The following ZNF763 variants were observed in gnomAD, a reference collection of about 807,000 sequenced individuals.
The protein encoded by ZNF763 is zinc finger protein 763.
Under a neutral mutation model 38.0 loss-of-function variants are expected in ZNF763, and 33 were observed. That is an observed-to-expected ratio of 0.87 (90% confidence interval 0.66 to 1.16). The LOEUF (loss-of-function observed/expected upper bound fraction) is 1.16, where lower values mean the gene tolerates loss of function less well. Among genes scored for constraint, ZNF763 ranks in the 50% most tolerant of loss-of-function variants. The pLI, the probability that ZNF763 is intolerant of heterozygous loss-of-function variation, is 0.00. For missense variants in ZNF763, 423 were observed against 469.1 expected (o/e 0.90, Z 0.91); for synonymous variants, 155 against 160.1 (o/e 0.97, Z 0.24).
chr19:11,978,191 T>A lies in ZNF763; in HGVS notation c.267T>A (p.Asp89Glu), dbSNP rs190899538. The A allele has an allele frequency of 1.4e-5, 22 of 1,614,070 alleles. No individual in the cohort carries two copies. The highest frequency in any genetic ancestry group is 1.7e-6 in the Non-Finnish European group (2 of 1,179,948). Residue 89 changes from aspartate to glutamate, a missense_variant, in exon 4 of 4, where the codon GAT becomes GAA. Transcript: ENST00000358987. ...HCGETFTQVP[D>E]DRLNFQEKKA... ...GAGAAACTTTTACCCAGGTTCCAGATGACAGGCTGAACTTCCAGGAGAAGA... is the reference window on the plus strand; with the variant it reads ...GAGAAACTTTTACCCAGGTTCCAGAAGACAGGCTGAACTTCCAGGAGAAGA...
intron 1 of ZNF763, among the ~76,000 whole-genome samples, chr19:11,973,671 C>A (rs1167624141): frequency 4.0e-5 from 6 of 151,864 alleles, no homozygotes; most frequent in African/African-American, 1.5e-4. Context: ...TGCTTGAGGC[C>A]ATCAGTTAGA....
chr19:11,977,395 T>C lies in ZNF763; in HGVS notation c.155T>C (p.Ile52Thr). The change falls in exon 3 of 4, where the codon ATT becomes ACT. Residue 52 changes from isoleucine to threonine, a missense_variant. Transcript: ENST00000358987. ...SIGKKWKDQNIEYEYQNPRRN... is the reference protein window; with the variant it reads ...SIGKKWKDQNTEYEYQNPRRN... ...GGGAAAAAGTGGAAAGACCAGAACATTGAATATGAGTACCAAAACCCCAGG... is the reference window on the plus strand; with the variant it reads ...GGGAAAAAGTGGAAAGACCAGAACACTGAATATGAGTACCAAAACCCCAGG... 2 of 1,614,016 alleles carry C rather than the reference T, an allele frequency of 1.2e-6. No homozygotes were observed. The highest frequency in any genetic ancestry group is 1.1e-5 in the South Asian group (1 of 91,074).
chr19:11,971,490 T>A lies in ZNF763; in HGVS notation c.4-5548T>A, dbSNP rs968468197. Among the ~76,000 whole-genome samples the A allele has an allele frequency of 5.9e-5, 9 of 152,222 alleles. 1 individual carries two copies. ...ACCATATTCTATAGAGCATCTTGGC[T>A]GTTCTTAGTCATTGTCTTCTATTTC... On this transcript the variant is annotated intron_variant, in intron 1 of 3. Transcript: ENST00000358987.
intron 1 of ZNF763, among the ~76,000 whole-genome samples, chr19:11,965,774 C>A (rs987202199): frequency 2.6e-5 from 4 of 152,124 alleles, no homozygotes; most frequent in Non-Finnish European, 5.9e-5. Flanking sequence ...GAAACACAAC[C>A]CCAAGAAGCC....
intron 1 of ZNF763, among the ~76,000 whole-genome samples, chr19:11,967,593 C>T (rs1285755403): frequency 2.0e-5 from 3 of 152,074 alleles, no homozygotes; most frequent in Admixed American, 1.3e-4. Context: ...TTAGTAGAGA[C>T]GGGGTTTCAC....
chr19:11,974,069 T>TTTTCTTTCTTTCTTTC (rs199661683), intron 1 of ZNF763, among the ~76,000 whole-genome samples: 19 of 114,852 alleles, frequency 1.7e-4, no homozygotes, highest in East Asian at 5.2e-4. Context: ...TCCTTCTTTC[T>TTTTCTTTCTTTCTTTC]TTTCTTTCTT....
chr19:11,979,153 C>T lies in ZNF763; in HGVS notation c.*44C>T, dbSNP rs770410051. 41 of 1,611,850 alleles carry T rather than the reference C, an allele frequency of 2.5e-5. No homozygotes were observed. The East Asian group carries it at 3.3e-4, about 13-fold the overall frequency. On this transcript the variant is annotated 3_prime_UTR_variant, in exon 4 of 4. Transcript: ENST00000358987. ...AGGCCTTTATTCTGCCAAGTCATTT[C>T]GAAGACATGAAAAAACTCACACTGG...
At position 11,980,026 on chromosome 19, in the gene ZNF763, T is replaced by C; in HGVS notation, c.*917T>C. On this transcript the variant is annotated 3_prime_UTR_variant, in exon 4 of 4. Coordinates refer to ENST00000358987, the MANE Select transcript of ZNF763 (RefSeq NM_001367172.2). ...AAGCCTTTATTTCTTTCACTTCTTTTCGATAACATGAAAGGACTCACACTG... is the reference window on the plus strand; with the variant it reads ...AAGCCTTTATTTCTTTCACTTCTTTCCGATAACATGAAAGGACTCACACTG... 3.5e-6 allele frequency: 4 copies of C among 1,136,232 alleles called. No homozygotes were observed. The highest frequency in any genetic ancestry group is 3.1e-5 in the African/African-American group (2 of 64,930). The allele number at this position is 1,136,232 out of a possible 1,614,324, so 70.4% of individuals were successfully genotyped here.
chr19:11,970,923 C>T (rs7254383), intron 1 of ZNF763, among the ~76,000 whole-genome samples: 22 of 151,920 alleles, frequency 1.4e-4, no homozygotes, highest in Non-Finnish European at 4.4e-5. Flanking sequence ...GAGAGTGAAA[C>T]CTCATTTCAA....
At chr19:11,967,531 A>G (rs1052071821) in intron 1 of ZNF763, among the ~76,000 whole-genome samples, 44 of 151,536 alleles carry the variant, frequency 2.9e-4, no homozygotes, top group African/African-American at 1.0e-3. Flanking sequence ...CAGCCTCCCG[A>G]GTAGCTGGAC....
rs528534076 is a variant in ZNF763 at position 11,979,594 on chromosome 19, C to G, written c.*485C>G. 2.3e-4 allele frequency: 357 copies of G among 1,581,360 alleles called. 5 individuals carry two copies. In the East Asian group the frequency reaches 8.0e-3, roughly 35 times the overall value. On this transcript the variant is annotated 3_prime_UTR_variant, in exon 4 of 4. Coordinates refer to ENST00000358987, the MANE Select transcript of ZNF763 (RefSeq NM_001367172.2). ...TCAGTAGTTCCAGTTCCTTTTGGTA[C>G]CATGAAAGGACTCACACTGGAGAGA...
intron 1 of ZNF763, among the ~76,000 whole-genome samples, chr19:11,975,553 G>C (rs1005823306): frequency 6.6e-6 from 1 of 151,804 alleles, no homozygotes; most frequent in South Asian, 2.1e-4. Flanking sequence ...GCCCGCCACC[G>C]CGTCCAGCCA....
Position 11,978,859 on chromosome 19 carries a change from G to A in ZNF763, c.935G>A (p.Cys312Tyr). ...HERTHTGEKP[C>Y]ECSKCNKAFR... ...AGAACTCACACTGGGGAGAAGCCCT[G>A]TGAATGTAGCAAATGTAATAAAGCA... is the stretch of plus-strand genomic sequence containing the variant. Residue 312 changes from cysteine (C) to tyrosine (Y), a missense_variant, in exon 4 of 4, where the codon TGT becomes TAT. By Grantham distance (194) the Cys-to-Tyr change is radical. Transcript: ENST00000358987. 1 of 1,613,636 alleles carries A rather than the reference G, an allele frequency of 6.2e-7. No individual in the cohort carries two copies. Among genetic ancestry groups the A allele is most frequent in the South Asian group, 1.1e-5 (1 of 91,030 alleles).
At chr19:11,967,565 G>T (rs7255304) in intron 1 of ZNF763, among the ~76,000 whole-genome samples, 1 of 151,806 alleles carries the variant, frequency 6.6e-6, no homozygotes, top group Non-Finnish European at 1.5e-5. Context: ...CACCACGCTC[G>T]GCTAATTTTT....
chr19:11,967,455 A>G (rs1973257421), intron 1 of ZNF763, among the ~76,000 whole-genome samples: 1 of 151,720 alleles, frequency 6.6e-6, no homozygotes, highest in Non-Finnish European at 1.5e-5. Context: ...CCCAGGCTGG[A>G]GTGCAGTGGC....
Position 11,980,433 on chromosome 19 carries a change from A to AGACTCCTG in ZNF763, c.*1327_*1334dup, listed in dbSNP as rs1266810987. 1 of 156,608 alleles carries AGACTCCTG rather than the reference A, an allele frequency of 6.4e-6. No homozygotes were observed. Among genetic ancestry groups the AGACTCCTG allele is most frequent in the Admixed American group, 6.4e-5 (1 of 15,540 alleles). 9.7% of individuals were successfully genotyped at this position (156,608 alleles called of 1,614,324 possible). A position where few individuals can be genotyped will look rare whatever the true frequency, so the allele number is the denominator to read the frequency against. ...CTTGTGGTGAGGGGATGTCAGCTCT[A>AGACTCCTG]GACTCCTGGAGCTGTTTTTGCCTTA... is the stretch of plus-strand genomic sequence containing the variant. On this transcript the variant is annotated 3_prime_UTR_variant, in exon 4 of 4. Transcript: ENST00000358987.
rs1973568263 is a variant in ZNF763, at chr19:11,979,228, A to G, written c.*119A>G. On this transcript the variant is annotated 3_prime_UTR_variant, in exon 4 of 4. Transcript: ENST00000358987. ...ATGTGGTAAAGCCTTCAATCTTTCC[A>G]GTTCCTTTCAGTATCATGAAAGGAC... 1.2e-6 allele frequency: 2 copies of G among 1,612,076 alleles called. No homozygotes were observed. The highest frequency in any genetic ancestry group is 1.3e-5 in the African/African-American group (1 of 74,662).
At chr19:11,974,119 T>TTCTC in intron 1 of ZNF763, among the ~76,000 whole-genome samples, 1 of 63,628 alleles carries the variant, frequency 1.6e-5, no homozygotes, top group African/African-American at 6.2e-5. Flanking sequence ...CTTTCTTTCT[T>TTCTC]TCTTTCTTTT....
intron 1 of ZNF763, among the ~76,000 whole-genome samples, chr19:11,968,131 C>T (rs1185433411): frequency 1.3e-5 from 2 of 152,152 alleles, no homozygotes; most frequent in Non-Finnish European, 2.9e-5. Context: ...CAAGATGGAG[C>T]TGATTGGTCT....
Sources: gnomAD v4.1 joint callset for allele counts (sites outside exome capture counted in the v4.1 genomes callset) on GRCh38, gnomAD v4.1.1 for gene constraint, MANE v1.5 for transcripts, NCBI Gene and HGNC (gene_info 2026-07-23, HGNC 2026-07-21) for gene names.